The following SUPT3H variants were observed in gnomAD, a reference collection of about 807,000 sequenced individuals.
SUPT3H encodes SPT3 homolog, SAGA and STAGA complex component.
Under a neutral mutation model 44.3 loss-of-function variants are expected in SUPT3H, and 44 were observed. The observed-to-expected ratio is 0.99, with a 90% confidence interval of 0.78 to 1.28. The LOEUF is 1.28. SUPT3H is among the 50% of genes most tolerant of loss of function. The probability of loss-of-function intolerance (pLI) is 0.00; values close to 1 mark genes in which losing one functional copy is unlikely to be tolerated. For synonymous variants in SUPT3H, 124 were observed against 125.6 expected (o/e 0.99, Z 0.09); for missense variants, 380 against 387.1 (o/e 0.98, Z 0.15).
chr6:44,932,819 C>T, intron 9 of SUPT3H, 56 bp from the exon 10 acceptor site: 1 of 1,191,698 alleles, frequency 8.4e-7, no homozygotes, highest in Non-Finnish European at 1.2e-6. Context: ...AACAGAACTA[C>T]AGTGTATAAA....
At chr6:45,089,795 C>T (rs1466453167) in intron 3 of SUPT3H, among the ~76,000 whole-genome samples, 1 of 151,964 alleles carries the variant, frequency 6.6e-6, no homozygotes, top group African/African-American at 2.4e-5. Flanking sequence ...CTGACCTCTC[C>T]AGAAGCAGCA....
intron 2 of SUPT3H, among the ~76,000 whole-genome samples, chr6:45,135,999 T>A (rs550200670): frequency 5.9e-4 from 90 of 152,184 alleles, no homozygotes; most frequent in Non-Finnish European, 1.1e-3. Flanking sequence ...CAGCCACCCA[T>A]ACTTCCTTAG....
intron 6 of SUPT3H, among the ~76,000 whole-genome samples, chr6:45,002,541 G>T (rs1782146773): frequency 6.6e-6 from 1 of 151,964 alleles, no homozygotes; most frequent in Admixed American, 6.6e-5. Flanking sequence ...GTGAAACCAT[G>T]CCACTAAACA....
At chr6:45,144,670 C>T (rs767305653) in intron 2 of SUPT3H, among the ~76,000 whole-genome samples, 18 of 151,772 alleles carry the variant, frequency 1.2e-4, no homozygotes, top group East Asian at 3.9e-4. Context: ...CAGACAAAAA[C>T]GAAAGAAATA....
intron 2 of SUPT3H, among the ~76,000 whole-genome samples, chr6:45,253,409 C>T (rs757293187): frequency 2.0e-5 from 3 of 152,090 alleles, no homozygotes; most frequent in Admixed American, 6.5e-5. Context: ...AAGTGCCCTC[C>T]GAAGAAAACA....
At chr6:44,983,598 T>G (rs1779389174) in intron 6 of SUPT3H, among the ~76,000 whole-genome samples, 2 of 152,100 alleles carry the variant, frequency 1.3e-5, no homozygotes, top group African/African-American at 4.8e-5. Flanking sequence ...GAAAACAAAA[T>G]AAACATTTAA....
intron 2 of SUPT3H, among the ~76,000 whole-genome samples, chr6:45,169,891 C>A (rs2153605586): frequency 6.6e-6 from 1 of 152,168 alleles, no homozygotes; most frequent in African/African-American, 2.4e-5. Context: ...TTTTAACTTA[C>A]AAAGTTAAGG....
chr6:45,236,202 G>A (rs572255014), intron 2 of SUPT3H, among the ~76,000 whole-genome samples: 1 of 152,066 alleles, frequency 6.6e-6, no homozygotes. Flanking sequence ...GCGCTGCTGG[G>A]TTAGGGTCTC....
chr6:45,288,019 A>C (rs1779602708), intron 2 of SUPT3H, among the ~76,000 whole-genome samples: 1 of 152,204 alleles, frequency 6.6e-6, no homozygotes, highest in Admixed American at 6.5e-5. Flanking sequence ...GGTTAACGTG[A>C]CAGCCATTCA....
intron 3 of SUPT3H, among the ~76,000 whole-genome samples, chr6:45,022,761 T>C (rs1251805540): frequency 6.6e-6 from 1 of 152,000 alleles, no homozygotes; most frequent in Non-Finnish European, 1.5e-5. Flanking sequence ...ACAGAAATCT[T>C]ATTAGCTAAT....
At chr6:44,907,622 G>A (rs1365770305) in intron 10 of SUPT3H, among the ~76,000 whole-genome samples, 2 of 152,168 alleles carry the variant, frequency 1.3e-5, no homozygotes, top group Admixed American at 6.5e-5. Flanking sequence ...AGGTTGCAGT[G>A]AGCCCAGATC....
intron 2 of SUPT3H, among the ~76,000 whole-genome samples, chr6:45,228,311 T>C (rs1423557295): frequency 6.6e-6 from 1 of 152,164 alleles, no homozygotes; most frequent in African/African-American, 2.4e-5. Flanking sequence ...TAGCCCTCCA[T>C]AATGGCAGTG....
In SUPT3H at chr6:45,262,088, T is replaced by C. The variant is rs1474760580; in HGVS notation, c.101+103113A>G. Among the ~76,000 whole-genome samples, 2 of 152,044 alleles carry C rather than the reference T, an allele frequency of 1.3e-5. 1 individual carries two copies. The highest frequency in any genetic ancestry group is 2.9e-5 in the Non-Finnish European group (2 of 67,984). ...AGAAATCAGCGATGACATAAACAAA[T>C]GGAAATATAGTCCATGCTTGTGGAT... On this transcript the variant is annotated intron_variant, in intron 2 of 10. Coordinates refer to ENST00000371459, the MANE Select transcript of SUPT3H (RefSeq NM_003599.4).
rs762390108 is a variant in SUPT3H at position 44,932,761 on chromosome 6, GC to G, written c.803del (p.Ser268ThrfsTer48). On this transcript the variant is annotated frameshift_variant and splice_region_variant, in exon 10 of 11. Coordinates refer to ENST00000371459, the MANE Select transcript of SUPT3H (RefSeq NM_003599.4). LOFTEE classifies it high-confidence loss of function. The stretch of plus-strand genomic sequence containing the variant: ...GAGCCTCAACACCACAGGCTGCAGT[GC>G]TCTGCGACAGAAAAACACATAAATT... ...TFIQYHNSAESTAACGVEAHS... is the reference protein window; with the variant it reads ...TFIQYHNSAEXTAACGVEAHS... 2 of 1,593,748 alleles carry G rather than the reference GC, an allele frequency of 1.3e-6. No individual in the cohort carries two copies. The highest frequency in any genetic ancestry group is 1.1e-5 in the South Asian group (1 of 87,582).
chr6:45,113,010 A>G (rs1800304753), intron 2 of SUPT3H, among the ~76,000 whole-genome samples: 1 of 144,314 alleles, frequency 6.9e-6, no homozygotes, highest in Admixed American at 7.0e-5. Flanking sequence ...ATGTTTTCCT[A>G]CCCCAGGTAA....
chr6:44,883,368 A>G (rs1338620032), intron 10 of SUPT3H, among the ~76,000 whole-genome samples: 2 of 152,222 alleles, frequency 1.3e-5, no homozygotes, highest in Non-Finnish European at 2.9e-5. Flanking sequence ...GCTCAAGAAA[A>G]TAAGAGAGGA....
At chr6:45,149,307 T>C (rs1806556784) in intron 2 of SUPT3H, among the ~76,000 whole-genome samples, 1 of 152,100 alleles carries the variant, frequency 6.6e-6, no homozygotes, top group Admixed American at 6.6e-5. Flanking sequence ...CCTACTACAG[T>C]TGAAAGGAAA....
At chr6:45,126,572 A>C (rs929645124) in intron 2 of SUPT3H, among the ~76,000 whole-genome samples, 2 of 152,336 alleles carry the variant, frequency 1.3e-5, no homozygotes, top group Middle Eastern at 3.4e-3. Flanking sequence ...GTTCAGAAGG[A>C]ATTTCCTAAT....
At chr6:45,027,318 A>C (rs936565757) in intron 3 of SUPT3H, among the ~76,000 whole-genome samples, 30 of 151,762 alleles carry the variant, frequency 2.0e-4, no homozygotes, top group African/African-American at 7.3e-4. Context: ...TCTTGACCCC[A>C]TTTCTGCTCT....
Sources: allele counts gnomAD v4.1 joint callset (sites outside exome capture counted in the v4.1 genomes callset), GRCh38; gene constraint gnomAD v4.1.1; transcripts MANE v1.5; gene names NCBI Gene and HGNC (gene_info 2026-07-23, HGNC 2026-07-21).